Variants in MEGF9 observed in about 807,000 individuals in gnomAD.
The protein encoded by MEGF9 is multiple epidermal growth factor-like domains protein 9.
A neutral mutation model predicts 46.8 loss-of-function variants in MEGF9; 6 were observed. That is an observed-to-expected ratio of 0.13 (90% CI 0.07 to 0.25). The LOEUF (loss-of-function observed/expected upper bound fraction) is 0.25, where lower values mean the gene tolerates loss of function less well. Ranked by LOEUF, MEGF9 falls within the 10% of genes least tolerant of loss-of-function variation. MEGF9 has a pLI of 1.00. For missense variants in MEGF9, 683 were observed against 792.4 expected (o/e 0.86, Z 1.66); for synonymous variants, 302 against 330.7 (o/e 0.91, Z 0.94).
At chr9:120,630,037 T>A (rs1420463152) in intron 2 of MEGF9, among the ~76,000 whole-genome samples, 1 of 152,218 alleles carries the variant, frequency 6.6e-6, no homozygotes, top group Non-Finnish European at 1.5e-5. Context: ...ACCTTGACCA[T>A]CCGCCCATTG....
intron 3 of MEGF9, among the ~76,000 whole-genome samples, chr9:120,615,890 T>A (rs1476263108): frequency 6.6e-6 from 1 of 152,132 alleles, no homozygotes; most frequent in Admixed American, 6.5e-5. Flanking sequence ...CGAGACCCTG[T>A]CTCAGAAGAA....
intron 1 of MEGF9, among the ~76,000 whole-genome samples, chr9:120,674,658 ACCTGAGTTCAAGGGACTCT>A (rs1415961008): frequency 6.7e-6 from 1 of 150,204 alleles, no homozygotes; most frequent in Non-Finnish European, 1.5e-5. Context: ...AACCTCAAAC[ACCTGAGTTCAAGGGACTCT>A]CCTGCCTCAG....
Position 120,698,277 on chromosome 9 carries a change from A to T in MEGF9, c.601+15481T>A, listed in dbSNP as rs868514279. Among the ~76,000 whole-genome samples the T allele has an allele frequency of 2.6e-5, 4 of 152,322 alleles. No homozygotes were observed. The Middle Eastern group carries it at 0.01, about 389-fold the overall frequency. ...CATTTGTAGCTAGGGCCTACATAAG[A>T]TCCCAAGGAGTATATACTCACCAGA... On this transcript the variant is annotated intron_variant, in intron 1 of 5. Coordinates refer to ENST00000373930, the MANE Select transcript of MEGF9 (RefSeq NM_001080497.3).
chr9:120,676,142 A>T (rs2043772407), intron 1 of MEGF9, among the ~76,000 whole-genome samples: 1 of 152,054 alleles, frequency 6.6e-6, no homozygotes. Flanking sequence ...TACAATATTC[A>T]ATTTTCAGCC....
chr9:120,665,454 C>A (rs1442697688), intron 1 of MEGF9, among the ~76,000 whole-genome samples: 1 of 152,194 alleles, frequency 6.6e-6, no homozygotes, highest in Non-Finnish European at 1.5e-5. Flanking sequence ...CCGCCTGCCT[C>A]AGCCTCCCAA....
intron 4 of MEGF9, among the ~76,000 whole-genome samples, chr9:120,611,342 C>T (rs1375332276): frequency 1.3e-5 from 2 of 152,036 alleles, no homozygotes; most frequent in Non-Finnish European, 2.9e-5. Flanking sequence ...GTGGAAACAA[C>T]ACAAATGTCT....
intron 3 of MEGF9, among the ~76,000 whole-genome samples, chr9:120,614,236 C>G (rs879477508): frequency 3.3e-5 from 5 of 152,004 alleles, no homozygotes. Context: ...TTGGCCAGGC[C>G]GGTCTCGAAC....
At chr9:120,613,178 T>C (rs2043456633) in intron 3 of MEGF9, among the ~76,000 whole-genome samples, 1 of 152,074 alleles carries the variant, frequency 6.6e-6, no homozygotes, top group Non-Finnish European at 1.5e-5. Flanking sequence ...GAAAAGCAAA[T>C]TGGGGAATAA....
intron 2 of MEGF9, among the ~76,000 whole-genome samples, chr9:120,644,436 G>A (rs1170656016): frequency 6.6e-6 from 1 of 152,192 alleles, no homozygotes; most frequent in Admixed American, 6.5e-5. Flanking sequence ...TGATCACACA[G>A]AGGATAATTT....
intron 4 of MEGF9, among the ~76,000 whole-genome samples, chr9:120,611,865 A>AGAAAGAGAGAG (rs572613293): frequency 5.8e-4 from 80 of 137,214 alleles, no homozygotes; most frequent in East Asian, 2.3e-3. Context: ...GGAAGGAAGA[A>AGAAAGAGAGAG]AGAGAGAGAG....
chr9:120,634,209 A>C (rs1418399103), intron 2 of MEGF9, among the ~76,000 whole-genome samples: 1 of 152,132 alleles, frequency 6.6e-6, no homozygotes, highest in Non-Finnish European at 1.5e-5. Context: ...ATCTGCAACT[A>C]TTATTGTATT....
In MEGF9 at chr9:120,602,863, G is replaced by A. The variant is rs947946309; in HGVS notation, c.*2327C>T. On this transcript the variant is annotated 3_prime_UTR_variant, in exon 6 of 6. Coordinates refer to ENST00000373930, the MANE Select transcript of MEGF9 (RefSeq NM_001080497.3). ...GTACACACATATGCAGCAACTGCTA[G>A]GGAAAGCAAATTTTCCCTTCCTGCT... is the stretch of plus-strand genomic sequence containing the variant. The A allele has an allele frequency of 6.6e-6, 1 of 152,108 alleles. No homozygotes were observed. Among genetic ancestry groups the A allele is most frequent in the Non-Finnish European group, 1.5e-5 (1 of 68,014 alleles). 9.4% of individuals were successfully genotyped at this position (152,108 alleles called of 1,614,324 possible). A position where few individuals can be genotyped will look rare whatever the true frequency, so the allele number is the denominator to read the frequency against.
rs1052420333 is a variant in MEGF9 at position 120,601,731 on chromosome 9, C to G, written c.*3459G>C. The stretch of plus-strand genomic sequence containing the variant: ...TAGTTTTCAAATGTCATTTTTTTCT[C>G]TATAACTGGAGAAATTCCATTAATA... On this transcript the variant is annotated 3_prime_UTR_variant, in exon 6 of 6. Transcript: ENST00000373930. 5 of 152,028 alleles carry G rather than the reference C, an allele frequency of 3.3e-5. No homozygotes were observed. Among genetic ancestry groups the G allele is most frequent in the Admixed American group, 2.6e-4 (4 of 15,260 alleles). 9.4% of individuals were successfully genotyped at this position (152,028 alleles called of 1,614,324 possible). A position where few individuals can be genotyped will look rare whatever the true frequency, so the allele number is the denominator to read the frequency against.
chr9:120,626,508 T>C (rs2043526235), intron 2 of MEGF9, among the ~76,000 whole-genome samples: 1 of 152,244 alleles, frequency 6.6e-6, no homozygotes, highest in South Asian at 2.1e-4. Flanking sequence ...CTAATAGTCA[T>C]TACTTTTTCA....
At position 120,695,603 on chromosome 9, in the gene MEGF9, C is replaced by CAAAA. The variant is rs370281228; in HGVS notation, c.601+18151_601+18154dup. On this transcript the variant is annotated intron_variant, in intron 1 of 5. Coordinates refer to ENST00000373930, the MANE Select transcript of MEGF9 (RefSeq NM_001080497.3). ...TGGGTGACAGTGTGAGACCCCATCT[C>CAAAA]AAAAAAAAAAAAAAAAAAAAAAAAA... 4.3e-4 allele frequency among the ~76,000 whole-genome samples: 8 copies of CAAAA among 18,680 alleles called. 2 individuals carry two copies. Among genetic ancestry groups the CAAAA allele is most frequent in the African/African-American group, 7.3e-4 (6 of 8,268 alleles). The allele number at this position is 18,680 out of a possible 152,430, so 12.3% of individuals were successfully genotyped here.
chr9:120,711,357 T>C (rs1482176508), intron 1 of MEGF9, among the ~76,000 whole-genome samples: 1 of 152,228 alleles, frequency 6.6e-6, no homozygotes, highest in Non-Finnish European at 1.5e-5. Flanking sequence ...CCATGATACA[T>C]AGTTAAGTGA....
At chr9:120,709,686 G>A (rs1210712951) in intron 1 of MEGF9, among the ~76,000 whole-genome samples, 1 of 152,168 alleles carries the variant, frequency 6.6e-6, no homozygotes, top group East Asian at 1.9e-4. Context: ...TTCTTCAAAT[G>A]TAGAGCCACA....
chr9:120,708,399 T>C (rs1185484398), intron 1 of MEGF9, among the ~76,000 whole-genome samples: 3 of 152,122 alleles, frequency 2.0e-5, no homozygotes, highest in African/African-American at 7.2e-5. Context: ...CAAACAAAAA[T>C]AAATAATCCA....
chr9:120,674,850 G>A (rs2043765539), intron 1 of MEGF9, among the ~76,000 whole-genome samples: 1 of 149,666 alleles, frequency 6.7e-6, no homozygotes, highest in Non-Finnish European at 1.5e-5. Flanking sequence ...GATTACAGGT[G>A]TGAGCTACCA....
Sources: gnomAD v4.1 joint callset for allele counts (sites outside exome capture counted in the v4.1 genomes callset) on GRCh38, gnomAD v4.1.1 for gene constraint, MANE v1.5 for transcripts, NCBI Gene and HGNC (gene_info 2026-07-23, HGNC 2026-07-21) for gene names.